GMEB2: variants seen among roughly 807,000 people sequenced by gnomAD.
The protein encoded by GMEB2 is glucocorticoid modulatory element binding protein 2, also known as glucocorticoid modulatory element-binding protein 2.
In GMEB2, 7 loss-of-function variants were observed where a neutral mutation model predicts 45.7. The observed-to-expected ratio is 0.15, with a 90% CI of 0.09 to 0.29. The LOEUF (loss-of-function observed/expected upper bound fraction) is 0.29. Ranked by LOEUF, GMEB2 falls within the 10% of genes least tolerant of loss-of-function variation. The pLI, the probability that GMEB2 is intolerant of heterozygous loss-of-function variation, is 1.00. For missense variants in GMEB2, 582 were observed against 739.2 expected (o/e 0.79, Z 2.47); for synonymous variants, 322 against 323.6 (o/e 1.00, Z 0.05).
In GMEB2 at chr20:63,619,259, G is replaced by C; in HGVS notation, c.131+8C>G. 1 of 1,606,994 alleles carries C rather than the reference G, an allele frequency of 6.2e-7. No homozygotes were observed. Among genetic ancestry groups the C allele is most frequent in the Non-Finnish European group, 8.5e-7 (1 of 1,177,958 alleles). On this transcript the variant is annotated splice_region_variant and intron_variant, in intron 2 of 9. Transcript: ENST00000370077. The surrounding 1 kb of genome is among the most constrained non-coding windows in gnomAD (Gnocchi z 4.6). ...ATCAGCCCCAATGGCACCGAGGCCC[G>C]AGCTTACCCGTGAGGGGCCAAGTTG...
rs2083112523 is a variant in GMEB2, at chr20:63,588,355, A to C, written c.*1734T>G. 6.1e-6 allele frequency: 1 copy of C among 163,052 alleles called. No homozygotes were observed. Among genetic ancestry groups the C allele is most frequent in the Non-Finnish European group, 1.3e-5 (1 of 75,756 alleles). 10.1% of individuals were successfully genotyped at this position (163,052 alleles called of 1,614,324 possible). A position where few individuals can be genotyped will look rare whatever the true frequency, so the allele number is the denominator to read the frequency against. On this transcript the variant is annotated 3_prime_UTR_variant, in exon 10 of 10. Transcript: ENST00000370077. ...TCCCAGGGTCACAGGCAGCTGTATT[A>C]GTGACAGGTTCTGAGCTGGTGGGTG...
chr20:63,606,332 A>G (rs2089518832), intron 2 of GMEB2, among the ~76,000 whole-genome samples: 1 of 150,552 alleles, frequency 6.6e-6, no homozygotes, highest in African/African-American at 2.4e-5. Context: ...TGCCAGGAAA[A>G]AAAACACCAC....
chr20:63,613,842 A>C (rs925532564), intron 2 of GMEB2, among the ~76,000 whole-genome samples: 5 of 152,104 alleles, frequency 3.3e-5, no homozygotes. Context: ...AATGTACTTA[A>C]TGTTGAACTC....
chr20:63,614,472 C>T (rs1055001618), intron 2 of GMEB2, among the ~76,000 whole-genome samples: 1 of 152,192 alleles, frequency 6.6e-6, no homozygotes, highest in Non-Finnish European at 1.5e-5. Context: ...CTAGCGGTAG[C>T]CTCAGTGTCA....
chr20:63,611,382 G>A (rs2089569484), intron 2 of GMEB2, among the ~76,000 whole-genome samples: 1 of 152,132 alleles, frequency 6.6e-6, no homozygotes, highest in African/African-American at 2.4e-5. Context: ...GGAGGCCAAG[G>A]TGGTGGATCA....
chr20:63,626,729 T>C (rs1458568791), intron 1 of GMEB2, among the ~76,000 whole-genome samples: 1 of 148,292 alleles, frequency 6.7e-6, no homozygotes, highest in Non-Finnish European at 1.5e-5. Flanking sequence ...GGCGCCAAGA[T>C]GGAGGCAGGA....
intron 9 of GMEB2, 87 bp downstream of exon 9, chr20:63,591,935 G>C: frequency 8.5e-7 from 1 of 1,174,240 alleles, no homozygotes; most frequent in Non-Finnish European, 1.2e-6. Context: ...GGAAGTGCAG[G>C]TGGATGCACA....
intron 1 of GMEB2, among the ~76,000 whole-genome samples, chr20:63,623,084 G>A (rs147262156): frequency 5.9e-5 from 9 of 152,350 alleles, no homozygotes; most frequent in African/African-American, 1.7e-4. Context: ...AGGACTAAGT[G>A]CGAGGGACAA....
chr20:63,590,227 G>T lies in GMEB2; in HGVS notation c.1455C>A (p.Pro485=). 6.2e-7 allele frequency: 1 copy of T among 1,611,238 alleles called. No homozygotes were observed. ...LQLLTLPGLG[P]TLQNVAQASP... is the part of the protein sequence containing the mutation. ...AGGCCTGGGCCACGTTCTGCAGGGT[G>T]GGGCCCAGGCCAGGCAACGTGAGCA... The change falls in exon 10 of 10, where the codon CCC becomes CCA. Residue 485 remains proline (P), a synonymous_variant. Coordinates refer to ENST00000370077, the MANE Select transcript of GMEB2 (RefSeq NM_012384.5).
intron 2 of GMEB2, among the ~76,000 whole-genome samples, chr20:63,609,350 C>A (rs1478094607): frequency 8.6e-6 from 1 of 116,830 alleles, no homozygotes; most frequent in Non-Finnish European, 1.8e-5. Context: ...TCTGACCCCA[C>A]ACATCCATTT....
intron 5 of GMEB2, among the ~76,000 whole-genome samples, chr20:63,596,932 G>C (rs1049920980): frequency 6.6e-6 from 1 of 151,970 alleles, no homozygotes; most frequent in Non-Finnish European, 1.5e-5. Flanking sequence ...GAAGAGAATC[G>C]CTTGAACCCA....
chr20:63,588,700 A>C lies in GMEB2; in HGVS notation c.*1389T>G. On this transcript the variant is annotated 3_prime_UTR_variant, in exon 10 of 10. Transcript: ENST00000370077. ...GTGAAGTGGGACACAGGACCCTCGCATTGCGGGGCCTCAGACGGGCCTTCA... is the reference window on the plus strand; with the variant it reads ...GTGAAGTGGGACACAGGACCCTCGCCTTGCGGGGCCTCAGACGGGCCTTCA... 1 of 398,532 alleles carries C rather than the reference A, an allele frequency of 2.5e-6. No individual in the cohort carries two copies. The highest frequency in any genetic ancestry group is 4.4e-6 in the Non-Finnish European group (1 of 226,096). 24.7% of individuals were successfully genotyped at this position (398,532 alleles called of 1,614,324 possible).
At chr20:63,616,445 A>G (rs2089609028) in intron 2 of GMEB2, among the ~76,000 whole-genome samples, 1 of 151,812 alleles carries the variant, frequency 6.6e-6, no homozygotes, top group Admixed American at 6.6e-5. Context: ...ACTCCAACTC[A>G]AAAAAAAATA....
intron 1 of GMEB2, among the ~76,000 whole-genome samples, chr20:63,624,209 G>C (rs2089655802): frequency 6.7e-6 from 1 of 148,666 alleles, no homozygotes; most frequent in African/African-American, 2.5e-5. Flanking sequence ...CTGAGGTCAG[G>C]AATTCAAGAC....
chr20:63,620,539 C>G (rs1260218513), intron 1 of GMEB2, among the ~76,000 whole-genome samples: 1 of 152,226 alleles, frequency 6.6e-6, no homozygotes, highest in African/African-American at 2.4e-5. Flanking sequence ...CGTCCCAAGA[C>G]AGTCTCTACG....
chr20:63,601,011 G>A (rs774478529), intron 4 of GMEB2, among the ~76,000 whole-genome samples: 8 of 152,292 alleles, frequency 5.3e-5, no homozygotes, highest in Non-Finnish European at 1.0e-4. Context: ...TACGACTTAC[G>A]TCTGCAATGG....
chr20:63,608,891 C>T (rs1387152789), intron 2 of GMEB2, among the ~76,000 whole-genome samples: 44 of 36,312 alleles, frequency 1.2e-3, no homozygotes, highest in Non-Finnish European at 2.5e-3. Flanking sequence ...TAGAAACATG[C>T]CCCTCTGACC....
intron 1 of GMEB2, among the ~76,000 whole-genome samples, chr20:63,621,798 G>C (rs1193005791): frequency 6.7e-6 from 1 of 149,136 alleles, no homozygotes; most frequent in African/African-American, 2.5e-5. Context: ...ATATAGACTA[G>C]AAAGTACAGA....
chr20:63,623,600 C>A (rs1349135297), intron 1 of GMEB2, among the ~76,000 whole-genome samples: 1 of 149,904 alleles, frequency 6.7e-6, no homozygotes, highest in Non-Finnish European at 1.5e-5. Flanking sequence ...AGTTCAAAGA[C>A]CAGCCTGATC....
Sources: allele counts gnomAD v4.1 joint callset (sites outside exome capture counted in the v4.1 genomes callset), GRCh38; gene constraint gnomAD v4.1.1; non-coding constraint Gnocchi (gnomAD v3.1); transcripts MANE v1.5; gene names NCBI Gene and HGNC (gene_info 2026-07-23, HGNC 2026-07-21).